The following PDE4D variants were observed in gnomAD, a reference collection of about 807,000 sequenced individuals.
The protein encoded by PDE4D is 3',5'-cyclic-AMP phosphodiesterase 4D.
Under a neutral mutation model 87.4 loss-of-function variants are expected in PDE4D, and 24 were observed. The ratio of observed to expected loss-of-function variants is 0.27; its 90% CI spans 0.20 to 0.39. The LOEUF (loss-of-function observed/expected upper bound fraction) is 0.39, where lower values mean the gene tolerates loss of function less well. Among genes scored for constraint, PDE4D ranks in the 10% least tolerant of loss-of-function variants. PDE4D has a pLI of 1.00. For missense variants in PDE4D, 714 were observed against 1,041.0 expected (o/e 0.69, Z 4.32); for synonymous variants, 384 against 383.2 (o/e 1.00, Z -0.02).
intron 1 of PDE4D, among the ~76,000 whole-genome samples, chr5:59,263,123 T>C (rs1023238785): frequency 1.3e-5 from 2 of 151,948 alleles, no homozygotes; most frequent in Non-Finnish European, 2.9e-5. Flanking sequence ...AAAAGTGCCA[T>C]CTACTAAAAG....
chr5:59,926,181 TA>T (rs1338183365), intron 3 of PDE4D, among the ~76,000 whole-genome samples: 1 of 151,748 alleles, frequency 6.6e-6, no homozygotes, highest in Non-Finnish European at 1.5e-5. Flanking sequence ...CTGACCACAA[TA>T]GAACAAAACT....
intron 2 of PDE4D, among the ~76,000 whole-genome samples, chr5:60,077,711 C>G (rs866662504): frequency 6.6e-6 from 1 of 152,272 alleles, no homozygotes; most frequent in Middle Eastern, 3.4e-3. Context: ...ATAGGTGCTC[C>G]CACTCCAAAC....
intron 2 of PDE4D, among the ~76,000 whole-genome samples, chr5:60,069,930 T>C (rs1772526257): frequency 6.6e-6 from 1 of 152,146 alleles, no homozygotes; most frequent in Admixed American, 6.5e-5. Flanking sequence ...ATTTTATTCT[T>C]TTTGGCACTA....
chr5:60,389,313 CTG>C (rs1419906453), intron 1 of PDE4D, among the ~76,000 whole-genome samples: 1 of 152,136 alleles, frequency 6.6e-6, no homozygotes, highest in Non-Finnish European at 1.5e-5. Context: ...ACTCTTGAAA[CTG>C]TATTCAAAAG....
intron 3 of PDE4D, among the ~76,000 whole-genome samples, chr5:59,928,159 C>T (rs1368608864): frequency 2.0e-5 from 3 of 152,046 alleles, no homozygotes; most frequent in Non-Finnish European, 4.4e-5. Context: ...CGAGTTCACC[C>T]AAAAATTCAT....
chr5:59,937,842 A>AT (rs1756767066), intron 3 of PDE4D, among the ~76,000 whole-genome samples: 1 of 152,212 alleles, frequency 6.6e-6, no homozygotes, highest in Non-Finnish European at 1.5e-5. Context: ...AATTTGAATC[A>AT]TGGCAGGCTG....
chr5:59,632,443 G>A (rs760255439), intron 1 of PDE4D, among the ~76,000 whole-genome samples: 48 of 152,194 alleles, frequency 3.2e-4, no homozygotes, highest in Non-Finnish European at 5.6e-4. Context: ...TGTGCCTCCC[G>A]ATAGGGAGAT....
chr5:60,406,152 C>A (rs1172306818), intron 1 of PDE4D, among the ~76,000 whole-genome samples: 2 of 152,122 alleles, frequency 1.3e-5, no homozygotes, highest in Non-Finnish European at 2.9e-5. Flanking sequence ...TTCATATCTG[C>A]AGTGACATAG....
At chr5:60,140,899 G>A (rs1582839701) in intron 2 of PDE4D, among the ~76,000 whole-genome samples, 2 of 152,154 alleles carry the variant, frequency 1.3e-5, no homozygotes, top group East Asian at 3.9e-4. Flanking sequence ...ACTCACTCAT[G>A]TGGGCTTAGG....
At chr5:59,846,594 A>G (rs1743893246) in intron 1 of PDE4D, among the ~76,000 whole-genome samples, 1 of 152,050 alleles carries the variant, frequency 6.6e-6, no homozygotes, top group African/African-American at 2.4e-5. Flanking sequence ...GTCATCATTG[A>G]TTCTCAGAAG....
chr5:60,473,126 AG>A (rs879643260), intron 1 of PDE4D, among the ~76,000 whole-genome samples: 20,903 of 57,954 alleles, frequency 0.36, 2,092 homozygotes, highest in African/African-American at 0.47. Flanking sequence ...AGAGAAAGAA[AG>A]GAAGGAAGGA....
At chr5:59,896,195 AT>A, upstream of PDE4D, among the ~76,000 whole-genome samples, 1 of 152,312 alleles carries the variant, frequency 6.6e-6, no homozygotes, top group Non-Finnish European at 1.5e-5. Flanking sequence ...ACTTCACAGA[AT>A]TTTGCAATTA....
chr5:59,093,158 AAG>A (rs143122629), intron 5 of PDE4D, among the ~76,000 whole-genome samples: 6,751 of 152,234 alleles, frequency 0.044, 492 homozygotes, highest in African/African-American at 0.15. Flanking sequence ...AGTAAATTCC[AAG>A]AGAAAGTGGA....
At chr5:59,934,697 G>A (rs894496569) in intron 3 of PDE4D, among the ~76,000 whole-genome samples, 6 of 152,272 alleles carry the variant, frequency 3.9e-5, no homozygotes, top group African/African-American at 1.4e-4. Flanking sequence ...TCAGGTAAGG[G>A]ATTAGAGAAT....
At chr5:59,993,352 T>A (rs1763202753) in intron 2 of PDE4D, among the ~76,000 whole-genome samples, 1 of 152,170 alleles carries the variant, frequency 6.6e-6, no homozygotes, top group Non-Finnish European at 1.5e-5. Flanking sequence ...CTGCAGCTCA[T>A]TTATAATAGC....
chr5:59,821,912 G>T (rs1242928961), intron 1 of PDE4D, among the ~76,000 whole-genome samples: 3 of 151,924 alleles, frequency 2.0e-5, no homozygotes, highest in Non-Finnish European at 2.9e-5. Flanking sequence ...ACCTTTTTTT[G>T]GTGTTTAAAC....
chr5:60,299,423 A>G (rs1307425529), intron 1 of PDE4D, among the ~76,000 whole-genome samples: 1 of 152,200 alleles, frequency 6.6e-6, no homozygotes, highest in Non-Finnish European at 1.5e-5. Flanking sequence ...TCAAGGGTAC[A>G]TGTGCAGGAT....
chr5:59,692,318 C>T (rs1415285069), intron 1 of PDE4D, among the ~76,000 whole-genome samples: 1 of 152,084 alleles, frequency 6.6e-6, no homozygotes, highest in African/African-American at 2.4e-5. Context: ...GTAATTTGTG[C>T]TGCTTGCCTT....
chr5:59,221,067 G>T (rs958522430), intron 1 of PDE4D, among the ~76,000 whole-genome samples: 1 of 151,996 alleles, frequency 6.6e-6, no homozygotes, highest in Non-Finnish European at 1.5e-5. Context: ...TTTGAAGTAG[G>T]CACTGTATTT....
Sources: gnomAD v4.1 joint callset for allele counts (sites outside exome capture counted in the v4.1 genomes callset) on GRCh38, gnomAD v4.1.1 for gene constraint, MANE v1.5 for transcripts, NCBI Gene and HGNC (gene_info 2026-07-23, HGNC 2026-07-21) for gene names.